The following UMAD1 variants were observed in gnomAD, a reference collection of about 807,000 sequenced individuals.
UMAD1 encodes UBAP1-MVB12-associated (UMA)-domain containing protein 1.
In UMAD1, 8 loss-of-function variants were observed where a neutral mutation model predicts 6.1. That is an observed-to-expected ratio of 1.30 (90% CI 0.76 to 2.35). UMAD1 has a LOEUF of 2.35. Ranked by LOEUF, UMAD1 falls within the 30% of genes most tolerant of loss-of-function variation. The probability of loss-of-function intolerance (pLI) is 0.00; values close to 1 mark genes in which losing one functional copy is unlikely to be tolerated. For missense variants in UMAD1, 130 were observed against 78.4 expected (o/e 1.66, Z -2.49); for synonymous variants, 56 against 31.4 (o/e 1.78, Z -2.61).
In UMAD1 at chr7:7,657,722, G is replaced by A. The variant is rs182152761; in HGVS notation, c.-63-15587G>A. On this transcript the variant is annotated intron_variant, in intron 1 of 3. Transcript: ENST00000682710. ...CTGTTTTGGTTACTGTAGTCTTGTA[G>A]TATAGTTTGAAGTCAGGTAGTGTGA... Among the ~76,000 whole-genome samples the A allele has an allele frequency of 3.1e-3, 479 of 152,260 alleles. 5 individuals carry two copies. Among genetic ancestry groups the A allele is most frequent in the African/African-American group, 0.01 (436 of 41,548 alleles).
At chr7:7,703,499 A>G (rs539156508) in intron 2 of UMAD1, among the ~76,000 whole-genome samples, 1 of 152,334 alleles carries the variant, frequency 6.6e-6, no homozygotes, top group African/African-American at 2.4e-5. Flanking sequence ...ACATACACAT[A>G]ATTTTATAAA....
At chr7:7,665,867 C>T (rs1442178183) in intron 1 of UMAD1, among the ~76,000 whole-genome samples, 1 of 150,246 alleles carries the variant, frequency 6.7e-6, no homozygotes, top group Non-Finnish European at 1.5e-5. Context: ...GCATGTATCA[C>T]TATTTTGTTT....
At chr7:7,646,081 C>G (rs1163594776) in intron 1 of UMAD1, among the ~76,000 whole-genome samples, 1 of 152,062 alleles carries the variant, frequency 6.6e-6, no homozygotes, top group Non-Finnish European at 1.5e-5. Context: ...TGTCTAGGGG[C>G]GTTACAGTGC....
At chr7:7,691,648 A>G (rs1006305724) in intron 2 of UMAD1, among the ~76,000 whole-genome samples, 3 of 152,168 alleles carry the variant, frequency 2.0e-5, no homozygotes, top group South Asian at 2.1e-4. Context: ...AGTAAATTGG[A>G]TTTTTATCTC....
At chr7:7,863,915 G>T (rs1784174239) in intron 3 of UMAD1, among the ~76,000 whole-genome samples, 1 of 152,224 alleles carries the variant, frequency 6.6e-6, no homozygotes, top group South Asian at 2.1e-4. Flanking sequence ...TAGGATATTA[G>T]GGTTTAGCTT....
At chr7:7,704,599 A>G (rs1340858374) in intron 2 of UMAD1, among the ~76,000 whole-genome samples, 18 of 49,136 alleles carry the variant, frequency 3.7e-4, no homozygotes, top group African/African-American at 1.9e-3. Flanking sequence ...ACTAAAATAG[A>G]AAAAAAAAAA....
intron 2 of UMAD1, among the ~76,000 whole-genome samples, chr7:7,782,055 A>T (rs1782355892): frequency 6.6e-6 from 1 of 152,098 alleles, no homozygotes; most frequent in Non-Finnish European, 1.5e-5. Flanking sequence ...ACGTTAGGAA[A>T]AGTAGTTACG....
chr7:7,831,716 G>A (rs1295573613), intron 3 of UMAD1, among the ~76,000 whole-genome samples: 1 of 152,100 alleles, frequency 6.6e-6, no homozygotes, highest in East Asian at 1.9e-4. Flanking sequence ...TGGGATAATT[G>A]CCTTTCATAC....
chr7:7,796,502 C>T (rs1185473159), intron 2 of UMAD1, among the ~76,000 whole-genome samples: 6 of 152,192 alleles, frequency 3.9e-5, no homozygotes, highest in African/African-American at 1.2e-4. Flanking sequence ...CCGCCTGCCT[C>T]GGCCTCCCAA....
intron 2 of UMAD1, among the ~76,000 whole-genome samples, chr7:7,702,696 AC>A (rs1195219608): frequency 6.6e-6 from 1 of 152,236 alleles, no homozygotes; most frequent in East Asian, 1.9e-4. Context: ...ATTGAATCTT[AC>A]TTTTCCACTG....
intron 3 of UMAD1, among the ~76,000 whole-genome samples, chr7:7,826,163 G>A (rs1489633894): frequency 6.6e-6 from 1 of 152,034 alleles, no homozygotes; most frequent in Admixed American, 6.6e-5. Flanking sequence ...AATTGCATTT[G>A]GCTGAAAGTA....
chr7:7,810,800 C>T (rs577446015), intron 3 of UMAD1, among the ~76,000 whole-genome samples: 2 of 152,258 alleles, frequency 1.3e-5, no homozygotes, highest in Non-Finnish European at 2.9e-5. Context: ...GTGAAACAGT[C>T]GGTCTGTTGA....
chr7:7,650,472 A>G lies in UMAD1; in HGVS notation c.-64+9651A>G, dbSNP rs1050814572. Among the ~76,000 whole-genome samples the G allele has an allele frequency of 3.9e-5, 6 of 152,278 alleles. No homozygotes were observed. The East Asian group carries it at 1.2e-3, about 29-fold the overall frequency. ...TCTTGTAATGTCTGCTTTGTTTTAAATTGTGATTTTGCTGTAGGCTTACAT... is the reference window on the plus strand; with the variant it reads ...TCTTGTAATGTCTGCTTTGTTTTAAGTTGTGATTTTGCTGTAGGCTTACAT... On this transcript the variant is annotated intron_variant, in intron 1 of 3. Transcript: ENST00000682710.
At chr7:7,682,668 C>T (rs1466158780) in intron 2 of UMAD1, among the ~76,000 whole-genome samples, 1 of 152,094 alleles carries the variant, frequency 6.6e-6, no homozygotes, top group Non-Finnish European at 1.5e-5. Context: ...AAATGTATAC[C>T]AGATCTTTAA....
chr7:7,686,963 C>G (rs1780055345), intron 2 of UMAD1, among the ~76,000 whole-genome samples: 3 of 152,282 alleles, frequency 2.0e-5, no homozygotes, highest in Non-Finnish European at 4.4e-5. Context: ...CATCTAAGAC[C>G]ATGAGAACTA....
chr7:7,766,181 T>G (rs1781982697), intron 2 of UMAD1, among the ~76,000 whole-genome samples: 1 of 152,202 alleles, frequency 6.6e-6, no homozygotes. Flanking sequence ...GCAGCAAAAT[T>G]TACTTGTCTG....
At chr7:7,658,128 T>C (rs912316803) in intron 1 of UMAD1, among the ~76,000 whole-genome samples, 3 of 152,226 alleles carry the variant, frequency 2.0e-5, no homozygotes, top group African/African-American at 4.8e-5. Flanking sequence ...TATTGGTGTA[T>C]AGGAATGCTT....
At chr7:7,799,396 A>C (rs888757017) in intron 2 of UMAD1, among the ~76,000 whole-genome samples, 1 of 152,252 alleles carries the variant, frequency 6.6e-6, no homozygotes, top group Non-Finnish European at 1.5e-5. Context: ...GTGTGAAGTT[A>C]AGAACGCTGG....
chr7:7,760,769 A>G (rs951394854), intron 2 of UMAD1, among the ~76,000 whole-genome samples: 2 of 152,156 alleles, frequency 1.3e-5, no homozygotes, highest in Non-Finnish European at 2.9e-5. Flanking sequence ...AGAATAGACT[A>G]AAAGAGAAGG....
Sources: gnomAD v4.1 joint callset for allele counts (sites outside exome capture counted in the v4.1 genomes callset) on GRCh38, gnomAD v4.1.1 for gene constraint, MANE v1.5 for transcripts, NCBI Gene and HGNC (gene_info 2026-07-23, HGNC 2026-07-21) for gene names.